Variants in ZC3H12B observed in about 807,000 individuals in gnomAD.
ZC3H12B encodes the protein probable ribonuclease ZC3H12B.
In ZC3H12B, 7 loss-of-function variants were observed where a neutral mutation model predicts 43.9. The ratio of observed to expected loss-of-function variants is 0.16; its 90% CI spans 0.09 to 0.30. The LOEUF (loss-of-function observed/expected upper bound fraction) is 0.30. ZC3H12B is among the 10% of genes least tolerant of loss of function. The probability of loss-of-function intolerance (pLI) is 1.00; values close to 1 mark genes in which losing one functional copy is unlikely to be tolerated. For missense variants in ZC3H12B, 475 were observed against 670.2 expected, an observed-to-expected ratio of 0.71 and a Z score of 3.22; for synonymous variants, 222 against 241.7, an observed-to-expected ratio of 0.92 and a Z score of 0.76.
chrX:65,141,892 C>T, the ZC3H12B span, among the ~76,000 whole-genome samples: 1 of 111,814 alleles, frequency 8.9e-6, no homozygotes, highest in Non-Finnish European at 1.9e-5. Context: ...ATATACACCA[C>T]AGTTTCTTTA....
At chrX:65,249,604 AT>A in the ZC3H12B span, among the ~76,000 whole-genome samples, 6 of 111,268 alleles carry the variant, frequency 5.4e-5, no homozygotes, top group African/African-American at 2.0e-4. Context: ...TGACGGTGAT[AT>A]TTTGATGGGA....
intron 3 of ZC3H12B, among the ~76,000 whole-genome samples, chrX:65,455,547 C>G (rs2067595505): frequency 8.9e-6 from 1 of 112,148 alleles, no homozygotes; most frequent in Non-Finnish European, 1.9e-5. Context: ...AGTTGGAAAA[C>G]ACTCTGCAGG....
intron 3 of ZC3H12B, among the ~76,000 whole-genome samples, chrX:65,401,311 T>C (rs2148049823): frequency 9.0e-6 from 1 of 111,532 alleles, no homozygotes; most frequent in African/African-American, 3.3e-5. Flanking sequence ...ATCTCAGTGC[T>C]ATCCTTTTAG....
At chrX:65,168,762 G>T in the ZC3H12B span, among the ~76,000 whole-genome samples, 1 of 111,428 alleles carries the variant, frequency 9.0e-6, no homozygotes, top group Non-Finnish European at 1.9e-5. Flanking sequence ...TCGTGGTTTA[G>T]TCTTTGGAGG....
the ZC3H12B span, among the ~76,000 whole-genome samples, chrX:65,056,580 G>T: frequency 8.9e-6 from 1 of 111,788 alleles, no homozygotes; most frequent in South Asian, 3.7e-4. Flanking sequence ...ATTTGGGGTG[G>T]AGAGTTCTGT....
chrX:65,507,374 TAC>T (rs1267155042), exon 5 of ZC3H12B: 1 of 112,422 alleles, frequency 8.9e-6, no homozygotes, highest in Non-Finnish European at 1.9e-5. Context: ...GAAATGGCAC[TAC>T]AGTTAGTTCT....
At chrX:65,441,906 G>A (rs183511696) in intron 3 of ZC3H12B, among the ~76,000 whole-genome samples, 2 of 110,215 alleles carry the variant, frequency 1.8e-5, no homozygotes, top group East Asian at 5.7e-4. Context: ...GCCCCTCATG[G>A]CGTTTCCCGA....
At chrX:65,311,058 G>A in the ZC3H12B span, among the ~76,000 whole-genome samples, 1 of 112,014 alleles carries the variant, frequency 8.9e-6, no homozygotes, top group Non-Finnish European at 1.9e-5. Flanking sequence ...AGAAAATCTA[G>A]GCAATACTAT....
exon 2 of ZC3H12B, chrX:65,497,251 G>A (rs2068300514): frequency 9.9e-6 from 12 of 1,206,820 alleles, no homozygotes; most frequent in South Asian, 1.8e-5. Context: ...GAGCAATCCC[G>A]CCCTGATGCA....
the ZC3H12B span, among the ~76,000 whole-genome samples, chrX:65,196,328 G>C: frequency 2.7e-5 from 3 of 110,664 alleles, no homozygotes; most frequent in Non-Finnish European, 5.7e-5. Context: ...AAAAAATGAG[G>C]GTGAAAAAAG....
chrX:65,361,722 A>C (rs1196587211), upstream of ZC3H12B, among the ~76,000 whole-genome samples: 1 of 110,392 alleles, frequency 9.1e-6, no homozygotes, highest in African/African-American at 3.3e-5. Flanking sequence ...CATGCATTTT[A>C]TTACCCAGCC....
the ZC3H12B span, among the ~76,000 whole-genome samples, chrX:65,226,095 G>A: frequency 1.2e-4 from 13 of 111,692 alleles, no homozygotes; most frequent in East Asian, 3.7e-3. Context: ...AAGATGAAAT[G>A]AAGGAAAAAA....
chrX:65,279,264 G>C, the ZC3H12B span, among the ~76,000 whole-genome samples: 1 of 105,958 alleles, frequency 9.4e-6, no homozygotes, highest in African/African-American at 3.5e-5. Context: ...CCAATGGTGT[G>C]TAAGTGTTCC....
At chrX:65,056,217 G>C in the ZC3H12B span, among the ~76,000 whole-genome samples, 1 of 111,253 alleles carries the variant, frequency 9.0e-6, no homozygotes, top group Non-Finnish European at 1.9e-5. Context: ...GCTTTTTCTT[G>C]TGGGCATTTA....
rs1185158105 is a variant in ZC3H12B at position 65,450,844 on chromosome X, T to C, written n.408-37802T>C. Among the ~76,000 whole-genome samples the C allele has an allele frequency of 4.7e-5, 4 of 85,136 alleles. No homozygotes were observed. In the East Asian group the frequency reaches 1.1e-3, roughly 23 times the overall value. 73.9% of individuals were successfully genotyped at this position (85,136 alleles called of 115,157 possible). A position where few individuals can be genotyped will look rare whatever the true frequency, so the allele number is the denominator to read the frequency against. The stretch of plus-strand genomic sequence containing the variant: ...ATATATACATATGTGTATATATGTA[T>C]ATATATACATATGTGTATATATGTA... On this transcript the variant is annotated intron_variant and non_coding_transcript_variant, in intron 3 of 5. Transcript: ENST00000617377.
chrX:65,339,151 C>T, the ZC3H12B span, among the ~76,000 whole-genome samples: 38 of 111,565 alleles, frequency 3.4e-4, no homozygotes, highest in African/African-American at 1.2e-3. Flanking sequence ...CAACTACACA[C>T]AAACAGGAGC....
chrX:65,448,299 G>T (rs1171762145), intron 3 of ZC3H12B, among the ~76,000 whole-genome samples: 1 of 111,501 alleles, frequency 9.0e-6, no homozygotes, highest in Non-Finnish European at 1.9e-5. Context: ...TGGTAGAAAT[G>T]CAAATTATTA....
At chrX:65,483,275 A>G (rs1389267559) in intron 3 of ZC3H12B, among the ~76,000 whole-genome samples, 2 of 111,745 alleles carry the variant, frequency 1.8e-5, no homozygotes, top group African/African-American at 3.3e-5. Context: ...CTACCTATAA[A>G]CTATTCAAGA....
chrX:65,388,189 C>T (rs766567902), intron 2 of ZC3H12B, among the ~76,000 whole-genome samples: 1 of 111,667 alleles, frequency 9.0e-6, no homozygotes, highest in East Asian at 2.8e-4. Context: ...TGTTGGCCTG[C>T]CTTGCTAGAT....
Sources: allele counts gnomAD v4.1 joint callset (sites outside exome capture counted in the v4.1 genomes callset), GRCh38; gene constraint gnomAD v4.1.1; transcripts MANE v1.5; gene names NCBI Gene and HGNC (gene_info 2026-07-23, HGNC 2026-07-21).